The following ATXN1 variants were observed in gnomAD, a reference collection of about 807,000 sequenced individuals.
The protein encoded by ATXN1 is ataxin 1, also known as ataxin-1.
ATXN1 carries 8 observed loss-of-function variants against 56.4 expected under a neutral mutation model. The ratio of observed to expected loss-of-function variants is 0.14; its 90% CI spans 0.08 to 0.26. ATXN1 has a LOEUF of 0.26. ATXN1 is among the 10% of genes least tolerant of loss of function. ATXN1 has a pLI of 1.00. For synonymous variants in ATXN1, 514 were observed against 494.6 expected (o/e 1.04, Z -0.52); for missense variants, 987 against 1,106.5 (o/e 0.89, Z 1.53).
chr6:16,368,343 C>CTTTTTTT (rs10527935), intron 6 of ATXN1, among the ~76,000 whole-genome samples: 27 of 75,890 alleles, frequency 3.6e-4, no homozygotes, highest in East Asian at 9.4e-4. Flanking sequence ...ACTTCTTCTT[C>CTTTTTTT]TTTTTTTTTT....
rs1759689376 is a variant in ATXN1, at chr6:16,448,998, A to C, written c.-161+36974T>G. The stretch of plus-strand genomic sequence containing the variant: ...GATTCTTAGTTACCCCGTTAATCAA[A>C]TGTAACTTCCATCCTGGCATTGCCA... On this transcript the variant is annotated intron_variant, in intron 6 of 7. Transcript: ENST00000436367. Among the ~76,000 whole-genome samples, 4 of 152,240 alleles carry C rather than the reference A, an allele frequency of 2.6e-5. No individual in the cohort carries two copies. In the South Asian group the frequency reaches 8.3e-4, roughly 32 times the overall value.
At chr6:16,350,373 T>A (rs1271563612) in intron 6 of ATXN1, among the ~76,000 whole-genome samples, 1 of 152,242 alleles carries the variant, frequency 6.6e-6, no homozygotes, top group Non-Finnish European at 1.5e-5. Flanking sequence ...AACTTCAGTC[T>A]CAGCTCAAGA....
chr6:16,346,501 T>C (rs1748401224), intron 6 of ATXN1, among the ~76,000 whole-genome samples: 1 of 152,208 alleles, frequency 6.6e-6, no homozygotes, highest in African/African-American at 2.4e-5. Flanking sequence ...AGAAACACCT[T>C]GCTCCCTCTT....
intron 6 of ATXN1, among the ~76,000 whole-genome samples, chr6:16,404,258 T>A (rs1204747319): frequency 1.3e-5 from 2 of 152,194 alleles, no homozygotes. Flanking sequence ...AATATTTTCT[T>A]GGAGAGTTCT....
chr6:16,349,259 C>T (rs570477298), intron 6 of ATXN1, among the ~76,000 whole-genome samples: 1 of 152,142 alleles, frequency 6.6e-6, no homozygotes, highest in Non-Finnish European at 1.5e-5. Context: ...AATCCCAGCA[C>T]TTTGGGAGGC....
chr6:16,556,346 A>T (rs532535878), intron 4 of ATXN1, among the ~76,000 whole-genome samples: 28 of 152,204 alleles, frequency 1.8e-4, no homozygotes, highest in Middle Eastern at 3.4e-3. Context: ...TTTCTCTCTT[A>T]GCAAAAGCCT....
intron 2 of ATXN1, among the ~76,000 whole-genome samples, chr6:16,678,769 C>T (rs1193873925): frequency 2.6e-5 from 4 of 152,162 alleles, no homozygotes; most frequent in African/African-American, 7.2e-5. Context: ...GGTGCGGTGG[C>T]TCACGCCTGT....
intron 6 of ATXN1, among the ~76,000 whole-genome samples, chr6:16,406,845 G>A (rs1758695039): frequency 1.3e-5 from 2 of 152,198 alleles, no homozygotes; most frequent in African/African-American, 4.8e-5. Flanking sequence ...CAGAATGTGA[G>A]GTCCCATTCC....
chr6:16,662,335 CTTTTT>C (rs56275788), intron 2 of ATXN1, among the ~76,000 whole-genome samples: 1 of 150,680 alleles, frequency 6.6e-6, no homozygotes, highest in African/African-American at 2.4e-5. Flanking sequence ...CATCAAACTT[CTTTTT>C]TTTTTTTTTG....
intron 4 of ATXN1, among the ~76,000 whole-genome samples, chr6:16,528,959 A>G (rs981705402): frequency 6.6e-6 from 1 of 152,144 alleles, no homozygotes; most frequent in Non-Finnish European, 1.5e-5. Context: ...GAGGTGGATC[A>G]CCTGAGGTCA....
intron 4 of ATXN1, among the ~76,000 whole-genome samples, chr6:16,524,375 T>A (rs1361431413): frequency 1.3e-5 from 2 of 152,178 alleles, no homozygotes; most frequent in Non-Finnish European, 2.9e-5. Flanking sequence ...AATCTCTGAG[T>A]ATCTTCTTCG....
rs145706146 is a variant in ATXN1, at chr6:16,699,416, G to A, written c.-614-41515C>T. ...ACACTGAAGGTTAGGAGTAGGTGAGGATGGGAAAAGGGAAGAACAAACATG... is the reference window on the plus strand; with the variant it reads ...ACACTGAAGGTTAGGAGTAGGTGAGAATGGGAAAAGGGAAGAACAAACATG... On this transcript the variant is annotated intron_variant, in intron 2 of 7. Transcript: ENST00000436367. 3.4e-3 allele frequency among the ~76,000 whole-genome samples: 522 copies of A among 152,340 alleles called. 2 individuals are homozygous for A. The highest frequency in any genetic ancestry group is 9.6e-3 in the Admixed American group (147 of 15,308).
chr6:16,337,463 G>A (rs1761149571), intron 6 of ATXN1, among the ~76,000 whole-genome samples: 1 of 152,224 alleles, frequency 6.6e-6, no homozygotes, highest in African/African-American at 2.4e-5. Flanking sequence ...CAGTGGCTGT[G>A]TAGCCAGTGT....
At chr6:16,541,822 G>C (rs181771176) in intron 4 of ATXN1, among the ~76,000 whole-genome samples, 35 of 152,250 alleles carry the variant, frequency 2.3e-4, no homozygotes, top group African/African-American at 6.3e-4. Flanking sequence ...TCCTGCTAAC[G>C]TAAAGTGACT....
chr6:16,699,486 A>G (rs778585936), intron 2 of ATXN1, among the ~76,000 whole-genome samples: 1 of 152,236 alleles, frequency 6.6e-6, no homozygotes, highest in African/African-American at 2.4e-5. Flanking sequence ...TTCAGGGAGG[A>G]CTGAAGTCAG....
intron 6 of ATXN1, among the ~76,000 whole-genome samples, chr6:16,334,956 G>A (rs1248265066): frequency 6.6e-6 from 1 of 152,192 alleles, no homozygotes; most frequent in Non-Finnish European, 1.5e-5. Flanking sequence ...AGGAAGCAAT[G>A]AGAATGGTTA....
At position 16,662,790 on chromosome 6, in the gene ATXN1, T is replaced by C. The variant is rs968794940; in HGVS notation, c.-614-4889A>G. The stretch of plus-strand genomic sequence containing the variant: ...TCAGTATGGTTCTTCCATTTCAGTC[T>C]GGTTAATTTGCGTCATTTAACTATT... On this transcript the variant is annotated intron_variant, in intron 2 of 7. Coordinates refer to ENST00000436367, the MANE Select transcript of ATXN1 (RefSeq NM_001128164.2). 1.1e-4 allele frequency among the ~76,000 whole-genome samples: 16 copies of C among 152,226 alleles called. 1 individual carries two copies. The highest frequency in any genetic ancestry group is 9.8e-4 in the Admixed American group (15 of 15,294).
chr6:16,417,287 A>G (rs1758931024), intron 6 of ATXN1, among the ~76,000 whole-genome samples: 1 of 152,152 alleles, frequency 6.6e-6, no homozygotes, highest in Admixed American at 6.5e-5. Flanking sequence ...CTCCTGCCTC[A>G]GCCTCCCAAG....
intron 2 of ATXN1, among the ~76,000 whole-genome samples, chr6:16,667,898 A>G (rs990606020): frequency 6.6e-6 from 1 of 152,050 alleles, no homozygotes; most frequent in Non-Finnish European, 1.5e-5. Context: ...CCGGCTCAAG[A>G]CATTTGTCTT....
Sources: allele counts gnomAD v4.1 joint callset (sites outside exome capture counted in the v4.1 genomes callset), GRCh38; gene constraint gnomAD v4.1.1; transcripts MANE v1.5; gene names NCBI Gene and HGNC (gene_info 2026-07-23, HGNC 2026-07-21).